Variants in IFNK observed in about 807,000 individuals in gnomAD.
IFNK encodes the protein interferon kappa, also known as IFN-kappa.
Under a neutral mutation model 12.0 loss-of-function variants are expected in IFNK, and 13 were observed. The observed-to-expected ratio is 1.08, with a 90% CI of 0.70 to 1.72. The LOEUF is 1.72. Ranked by LOEUF, IFNK falls within the 40% of genes most tolerant of loss-of-function variation. IFNK has a pLI of 0.00. For missense variants in IFNK, 248 were observed against 237.0 expected (o/e 1.05, Z -0.30); for synonymous variants, 94 against 82.3 (o/e 1.14, Z -0.77).
At position 27,524,353 on chromosome 9, in the gene IFNK, A is replaced by G. The variant is rs199592351; in HGVS notation, c.17A>G (p.Asp6Gly). The change falls in exon 1 of 2, where the codon GAT becomes GGT. Residue 6 changes from aspartate to glycine, a missense_variant. Asp to Gly is a moderately conservative substitution (Grantham distance 94). Transcript: ENST00000276943. MSTKP[D>G]MIQKCLWLEI... ...GCAAAAAAAATGAGCACCAAACCTG[A>G]TATGATTCAAAAGTGTTTGTGGCTT... 2 of 1,612,582 alleles carry G rather than the reference A, an allele frequency of 1.2e-6. No homozygotes were observed. The highest frequency in any genetic ancestry group is 1.7e-6 in the Non-Finnish European group (2 of 1,179,212).
Position 27,524,300 on chromosome 9 carries a change from T to C in IFNK, c.-37T>C. The C allele has an allele frequency of 6.3e-7, 1 of 1,590,126 alleles. No homozygotes were observed. The highest frequency in any genetic ancestry group is 8.6e-7 in the Non-Finnish European group (1 of 1,168,428). On this transcript the variant is annotated 5_prime_UTR_variant, in exon 1 of 2. Transcript: ENST00000276943. ...AGGAAAACTCAAAACATCATTGTCA[T>C]ATACACATCTTCTGGATTTTTTAGC... is the stretch of plus-strand genomic sequence containing the variant.
rs747863225 is a variant in IFNK, at chr9:27,524,641, C to A, written c.305C>A (p.Thr102Asn). Reference protein sequence around the residue: ...LQAFNIFSQHTFKYWKERHLK... With the variant: ...LQAFNIFSQHNFKYWKERHLK... ...GCCTTCAACATCTTCAGCCAACACA[C>A]CTTCAAATATTGGAAAGAGAGACAC... The change falls in exon 1 of 2, where the codon ACC becomes AAC. Residue 102 changes from threonine to asparagine, a missense_variant. Transcript: ENST00000276943. The A allele has an allele frequency of 1.2e-6, 2 of 1,614,050 alleles. No homozygotes were observed. The highest frequency in any genetic ancestry group is 1.3e-5 in the African/African-American group (1 of 75,020).
chr9:27,524,369 T>TTTGC lies in IFNK; in HGVS notation c.36_37insCTTG (p.Trp13LeufsTer4). On this transcript the variant is annotated frameshift_variant, in exon 1 of 2. Coordinates refer to ENST00000276943, the MANE Select transcript of IFNK (RefSeq NM_020124.3). LOFTEE classifies it high-confidence loss of function. ...CCAAACCTGATATGATTCAAAAGTG[T>TTTGC]TTGTGGCTTGAGATCCTTATGGGTA... 1 of 1,613,706 alleles carries TTTGC rather than the reference T, an allele frequency of 6.2e-7. No homozygotes were observed. Among genetic ancestry groups the TTTGC allele is most frequent in the African/African-American group, 1.3e-5 (1 of 74,984 alleles).
intron 1 of IFNK, among the ~76,000 whole-genome samples, chr9:27,525,467 A>T (rs1820422944): frequency 6.6e-6 from 1 of 152,192 alleles, no homozygotes; most frequent in Admixed American, 6.5e-5. Context: ...AAAAAGGTTG[A>T]CATTTCTGGC....
chr9:27,525,182 A>G (rs1820416906), intron 1 of IFNK, among the ~76,000 whole-genome samples: 1 of 152,152 alleles, frequency 6.6e-6, no homozygotes, highest in Non-Finnish European at 1.5e-5. Flanking sequence ...GACATTTTTA[A>G]AGGAATAAGA....
chr9:27,524,527 T>C lies in IFNK; in HGVS notation c.191T>C (p.Ile64Thr). ...SFPVECLREN[I>T]AFELPQEFLQ... Reference sequence around the variant, plus strand: ...CCTGTAGAATGTCTACGAGAAAACATAGCTTTTGAGTTGCCCCAAGAGTTT... The same window carrying C: ...CCTGTAGAATGTCTACGAGAAAACACAGCTTTTGAGTTGCCCCAAGAGTTT... Residue 64 changes from isoleucine (I) to threonine (T), a missense_variant, in exon 1 of 2, where the codon ATA becomes ACA. Physicochemically the swap from Ile to Thr is moderately conservative, Grantham distance 89 (BLOSUM62 -1). Coordinates refer to ENST00000276943, the MANE Select transcript of IFNK (RefSeq NM_020124.3). The C allele has an allele frequency of 1.2e-6, 2 of 1,614,108 alleles. No homozygotes were observed. Among genetic ancestry groups the C allele is most frequent in the Non-Finnish European group, 1.7e-6 (2 of 1,179,988 alleles).
intron 1 of IFNK, among the ~76,000 whole-genome samples, chr9:27,525,412 C>T (rs533874278): frequency 1.3e-5 from 2 of 152,266 alleles, no homozygotes; most frequent in South Asian, 4.1e-4. Context: ...TATACATGCT[C>T]CCTAGAGTCA....
At chr9:27,525,091 A>G (rs1820415231) in intron 1 of IFNK, 130 bp downstream of exon 1, 11 of 736,526 alleles carry the variant, frequency 1.5e-5, no homozygotes, top group Non-Finnish European at 2.4e-5. Flanking sequence ...GCCTCGGAAC[A>G]TCAGGGACAC....
At position 27,526,182 on chromosome 9, in the gene IFNK, C is replaced by T. The variant is rs1820434103; in HGVS notation, c.*177C>T. ...TTCAAGATTATTCCAAGCGCAGGGC[C>T]CAAATGTTATAGCCAAAGAAAGTCT... On this transcript the variant is annotated 3_prime_UTR_variant, in exon 2 of 2. Coordinates refer to ENST00000276943, the MANE Select transcript of IFNK (RefSeq NM_020124.3). 1 of 152,128 alleles carries T rather than the reference C, an allele frequency of 6.6e-6. No individual in the cohort carries two copies. The allele number at this position is 152,128 out of a possible 1,614,324, so 9.4% of individuals were successfully genotyped here.
Position 27,524,639 on chromosome 9 carries a change from C to G in IFNK, c.303C>G (p.His101Gln). Residue 101 changes from histidine to glutamine, a missense_variant, in exon 1 of 2, where the codon CAC becomes CAG. Physicochemically the swap from His to Gln is conservative, Grantham distance 24 (BLOSUM62 0). Transcript: ENST00000276943. ...SLQAFNIFSQ[H>Q]TFKYWKERHL... ...AGGCCTTCAACATCTTCAGCCAACA[C>G]ACCTTCAAATATTGGAAAGAGAGAC... The G allele has an allele frequency of 6.2e-7, 1 of 1,614,070 alleles. No individual in the cohort carries two copies. The highest frequency in any genetic ancestry group is 1.1e-5 in the South Asian group (1 of 91,076).
intron 1 of IFNK, 136 bp from the exon 2 acceptor site, chr9:27,525,871 T>C (rs988628085): frequency 2.6e-5 from 4 of 152,250 alleles, no homozygotes; most frequent in African/African-American, 7.2e-5. Context: ...ATATCTTTTA[T>C]CTTTTTAAAA....
Position 27,526,480 on chromosome 9 carries a change from T to G in IFNK, c.*475T>G, listed in dbSNP as rs1177644502. The G allele has an allele frequency of 1.3e-5, 2 of 152,246 alleles. No individual in the cohort carries two copies. The highest frequency in any genetic ancestry group is 2.9e-5 in the Non-Finnish European group (2 of 68,036). 9.4% of individuals were successfully genotyped at this position (152,246 alleles called of 1,614,324 possible). On this transcript the variant is annotated 3_prime_UTR_variant, in exon 2 of 2. Coordinates refer to ENST00000276943, the MANE Select transcript of IFNK (RefSeq NM_020124.3). ...TCATGACTTTCTCTAATAAAGTCTTTGCCTGTTCTCTCTAATAACTTTACT... is the reference window on the plus strand; with the variant it reads ...TCATGACTTTCTCTAATAAAGTCTTGGCCTGTTCTCTCTAATAACTTTACT...
Position 27,524,695 on chromosome 9 carries a change from A to G in IFNK, c.359A>G (p.Gln120Arg), listed in dbSNP as rs767683957. 1 of 1,614,122 alleles carries G rather than the reference A, an allele frequency of 6.2e-7. No homozygotes were observed. Among genetic ancestry groups the G allele is most frequent in the South Asian group, 1.1e-5 (1 of 91,082 alleles). Residue 120 changes from glutamine (Q) to arginine (R), a missense_variant, in exon 1 of 2, where the codon CAG becomes CGG. Gln to Arg is a conservative substitution (Grantham distance 43). Coordinates refer to ENST00000276943, the MANE Select transcript of IFNK (RefSeq NM_020124.3). ...AAACAAATCCAAATAGGACTTGATC[A>G]GCAAGCAGAGTACCTGAACCAATGC... ...HLKQIQIGLDQQAEYLNQCLE... is the reference protein window; with the variant it reads ...HLKQIQIGLDRQAEYLNQCLE...
chr9:27,525,042 T>G (rs1449890041), intron 1 of IFNK, 81 bp downstream of exon 1: 1 of 1,222,682 alleles, frequency 8.2e-7, no homozygotes, highest in Non-Finnish European at 1.1e-6. Flanking sequence ...TTAAGGATTG[T>G]TGTGCTGTCC....
At chr9:27,525,531 C>G (rs79686970) in intron 1 of IFNK, among the ~76,000 whole-genome samples, 4,960 of 152,174 alleles carry the variant, frequency 0.033, 109 homozygotes, top group Middle Eastern at 0.065. Flanking sequence ...AATAGTATTT[C>G]ATTACTTTAA....
At position 27,524,669 on chromosome 9, in the gene IFNK, C is replaced by G. The variant is rs1376065131; in HGVS notation, c.333C>G (p.Leu111=). 1 of 1,613,910 alleles carries G rather than the reference C, an allele frequency of 6.2e-7. No individual in the cohort carries two copies. The highest frequency in any genetic ancestry group is 8.5e-7 in the Non-Finnish European group (1 of 1,179,990). The change falls in exon 1 of 2, where the codon CTC becomes CTG. Residue 111 remains leucine (L), a synonymous_variant. Coordinates refer to ENST00000276943, the MANE Select transcript of IFNK (RefSeq NM_020124.3). ...HTFKYWKERH[L]KQIQIGLDQQ... ...TCAAATATTGGAAAGAGAGACACCT[C>G]AAACAAATCCAAATAGGACTTGATC... is the stretch of plus-strand genomic sequence containing the variant.
At position 27,524,893 on chromosome 9, in the gene IFNK, TC is replaced by T. The variant is rs1563890729; in HGVS notation, c.559del (p.Arg187GlufsTer31). The T allele has an allele frequency of 6.2e-7, 1 of 1,612,570 alleles. No homozygotes were observed. The highest frequency in any genetic ancestry group is 1.1e-5 in the South Asian group (1 of 90,474). ...KKYSDCAWEI[V>X]RVEIRRCLYY... Reference sequence around the variant, plus strand: ...TACAGTGACTGTGCCTGGGAGATTGTCCGAGTGGAAATCAGAAGATGTTTGT... The same window carrying T: ...TACAGTGACTGTGCCTGGGAGATTGTCGAGTGGAAATCAGAAGATGTTTGT... On this transcript the variant is annotated frameshift_variant, in exon 1 of 2. Transcript: ENST00000276943. LOFTEE classifies it low-confidence loss of function (END_TRUNC).
intron 1 of IFNK, among the ~76,000 whole-genome samples, chr9:27,525,542 G>A (rs539045860): frequency 1.1e-3 from 173 of 152,224 alleles, no homozygotes; most frequent in Non-Finnish European, 2.1e-3. Context: ...ATTACTTTAA[G>A]AGTGAAGATC....
chr9:27,524,852 C>T lies in IFNK; in HGVS notation c.516C>T (p.Phe172=), dbSNP rs1031370069. 2.5e-6 allele frequency: 4 copies of T among 1,613,920 alleles called. No individual in the cohort carries two copies. The African/African-American group carries it at 5.3e-5, about 22-fold the overall frequency. ...GATATTTCCACAGGATAGACAATTTCCTGAAAGAAAAGAAATACAGTGACT... is the reference window on the plus strand; with the variant it reads ...GATATTTCCACAGGATAGACAATTTTCTGAAAGAAAAGAAATACAGTGACT... ...LRRYFHRIDN[F]LKEKKYSDCA... The change falls in exon 1 of 2, where the codon TTC becomes TTT. Residue 172 remains phenylalanine, a synonymous_variant. Transcript: ENST00000276943.
Sources: gnomAD v4.1 joint callset for allele counts (sites outside exome capture counted in the v4.1 genomes callset) on GRCh38, gnomAD v4.1.1 for gene constraint, MANE v1.5 for transcripts, NCBI Gene and HGNC (gene_info 2026-07-23, HGNC 2026-07-21) for gene names.